Variants in ABR observed in about 807,000 individuals in gnomAD.
The protein encoded by ABR is ABR activator of RhoGEF and GTPase.
ABR carries 35 observed loss-of-function variants against 107.2 expected under a neutral mutation model. The observed-to-expected ratio is 0.33, with a 90% CI of 0.25 to 0.43. ABR has a LOEUF of 0.43. Ranked by LOEUF, ABR falls within the 20% of genes least tolerant of loss-of-function variation. The pLI, the probability that ABR is intolerant of heterozygous loss-of-function variation, is 1.00. For missense variants in ABR, 815 were observed against 1,115.2 expected, an observed-to-expected ratio of 0.73 and a Z score of 3.83; for synonymous variants, 498 against 462.0, an observed-to-expected ratio of 1.08 and a Z score of -1.00.
chr17:1,028,862 G>A (rs1303414047), intron 16 of ABR, among the ~76,000 whole-genome samples: 2 of 148,028 alleles, frequency 1.4e-5, no homozygotes, highest in Non-Finnish European at 3.0e-5. Flanking sequence ...TTCCCCGACA[G>A]ACAAATGCTT....
intron 1 of ABR, among the ~76,000 whole-genome samples, chr17:1,146,640 AC>A: frequency 1.5e-5 from 2 of 132,026 alleles, no homozygotes; most frequent in African/African-American, 5.9e-5. Flanking sequence ...GCCACATGCC[AC>A]CACTGCCACA....
chr17:1,166,863 A>G lies in ABR; in HGVS notation c.61+12804T>C, dbSNP rs577679051. 1.4e-4 allele frequency among the ~76,000 whole-genome samples: 22 copies of G among 152,216 alleles called. No homozygotes were observed. In the East Asian group the frequency reaches 4.1e-3, roughly 28 times the overall value. On this transcript the variant is annotated intron_variant, in intron 1 of 22. Transcript: ENST00000302538. ...AAAAATACAGAAACATTAGCTGGGC[A>G]TGGTGGCACGCGCCTGTAGTCCCAG...
intron 2 of ABR, among the ~76,000 whole-genome samples, chr17:1,111,877 C>T (rs1276596342): frequency 6.6e-6 from 1 of 152,250 alleles, no homozygotes; most frequent in African/African-American, 2.4e-5. Flanking sequence ...TGGGTCTCCT[C>T]ACTTGGAAGC....
chr17:1,152,237 C>T (rs1296355946), intron 1 of ABR, among the ~76,000 whole-genome samples: 2 of 150,536 alleles, frequency 1.3e-5, no homozygotes, highest in South Asian at 2.1e-4. Context: ...GAGCCGAGAT[C>T]GCGCCACTGC....
At chr17:1,026,967 C>T (rs1222620796) in intron 16 of ABR, among the ~76,000 whole-genome samples, 1 of 150,316 alleles carries the variant, frequency 6.7e-6, no homozygotes, top group African/African-American at 2.5e-5. Context: ...CTCACACCTG[C>T]AGGCTTGGGG....
At chr17:1,141,657 G>A (rs1007384306) in intron 1 of ABR, among the ~76,000 whole-genome samples, 7 of 152,114 alleles carry the variant, frequency 4.6e-5, no homozygotes, top group African/African-American at 1.7e-4. Context: ...CAGGGCTTTG[G>A]CAATTTGCAG....
chr17:1,054,493 TCAAA>T lies in ABR; in HGVS notation c.1561+1538_1561+1541del, dbSNP rs1567662022. On this transcript the variant is annotated intron_variant, in intron 14 of 22. Transcript: ENST00000302538. ...TCAGGGGATGGGGGCACAAGGAACC[TCAAA>T]GGGATGGGGATACAAGGAACCTCAG... 7.0e-3 allele frequency among the ~76,000 whole-genome samples: 989 copies of T among 142,046 alleles called. 22 individuals are homozygous for T. Among genetic ancestry groups the T allele is most frequent in the African/African-American group, 0.026 (919 of 34,878 alleles). 93.2% of individuals were successfully genotyped at this position (142,046 alleles called of 152,430 possible).
In ABR at chr17:1,050,224, G is replaced by C. The variant is rs2032304980; in HGVS notation, c.1660-43C>G. ...AAAGGGCCCTGAACCTCCGAAGCTG[G>C]GAGGCCTGGCTTTCCGGCAGGTGCG... On this transcript the variant is annotated intron_variant, in intron 15 of 22. Transcript: ENST00000302538. The surrounding 1 kb of genome is among the most constrained non-coding windows in gnomAD (Gnocchi z 4.6). 6.3e-7 allele frequency: 1 copy of C among 1,585,572 alleles called. No individual in the cohort carries two copies. The highest frequency in any genetic ancestry group is 8.6e-7 in the Non-Finnish European group (1 of 1,169,376).
rs2069943780 is a variant in ABR at position 1,005,383 on chromosome 17, G to A, written c.*697C>T. The A allele has an allele frequency of 2.6e-6, 1 of 382,174 alleles. No individual in the cohort carries two copies. The highest frequency in any genetic ancestry group is 4.6e-6 in the Non-Finnish European group (1 of 216,148). 23.7% of individuals were successfully genotyped at this position (382,174 alleles called of 1,614,324 possible). ...CAGCTCTGTGCTAAGCTGGGGACGA[G>A]TGTGAGTGTGTCTGCTTGTCCAACA... On this transcript the variant is annotated 3_prime_UTR_variant, in exon 23 of 23. Transcript: ENST00000302538.
intron 1 of ABR, among the ~76,000 whole-genome samples, chr17:1,145,204 G>A (rs907967363): frequency 2.6e-5 from 4 of 152,154 alleles, no homozygotes; most frequent in Non-Finnish European, 5.9e-5. Context: ...CCAATGCTCA[G>A]TAACTGCTGG....
intron 1 of ABR, among the ~76,000 whole-genome samples, chr17:1,141,950 G>T (rs553892731): frequency 6.6e-6 from 1 of 151,928 alleles, no homozygotes. Context: ...TAGAGGTAGG[G>T]TTTCACCATG....
At chr17:1,206,279 G>A (rs753408474) in intron 1 of ABR, among the ~76,000 whole-genome samples, 9 of 152,214 alleles carry the variant, frequency 5.9e-5, no homozygotes, top group Non-Finnish European at 1.0e-4. Flanking sequence ...ACGTGACTGG[G>A]TTGTTGCGTG....
At chr17:1,054,242 G>A (rs944822415) in intron 14 of ABR, among the ~76,000 whole-genome samples, 2 of 152,348 alleles carry the variant, frequency 1.3e-5, no homozygotes, top group Non-Finnish European at 2.9e-5. Context: ...ATGTGAGTAC[G>A]TCCACACGCC....
chr17:1,203,638 G>A (rs1598120868), intron 1 of ABR, among the ~76,000 whole-genome samples: 1 of 152,272 alleles, frequency 6.6e-6, no homozygotes, highest in Admixed American at 6.5e-5. Flanking sequence ...CGAGGAGCCC[G>A]GCGAGTGTTC....
Position 1,004,988 on chromosome 17 carries a change from C to T in ABR, c.*1092G>A, listed in dbSNP as rs181765877. Reference sequence around the variant, plus strand: ...AGCCTACCTGCCTGGACACCTGCTTCGGCCACATCAGTCACCCTCCAGGAA... The same window carrying T: ...AGCCTACCTGCCTGGACACCTGCTTTGGCCACATCAGTCACCCTCCAGGAA... On this transcript the variant is annotated 3_prime_UTR_variant, in exon 23 of 23. Transcript: ENST00000302538. 8.3e-5 allele frequency: 33 copies of T among 399,106 alleles called. No individual in the cohort carries two copies. The East Asian group carries it at 1.0e-3, about 12-fold the overall frequency. The allele number at this position is 399,106 out of a possible 1,614,324, so 24.7% of individuals were successfully genotyped here.
chr17:1,012,166 G>T, intron 18 of ABR, 181 bp from the exon 19 acceptor site: 2 of 1,001,192 alleles, frequency 2.0e-6, no homozygotes, highest in Non-Finnish European at 3.0e-6. Flanking sequence ...GCCCACCCGA[G>T]GCCTGCCGAA....
Position 1,037,708 on chromosome 17 carries a change from T to C in ABR, c.1791+12342A>G, listed in dbSNP as rs1433711764. 6.6e-6 allele frequency among the ~76,000 whole-genome samples: 1 copy of C among 152,074 alleles called. No homozygotes were observed. Among genetic ancestry groups the C allele is most frequent in the African/African-American group, 2.4e-5 (1 of 41,424 alleles). ...GTGGCCGGGTCTCCCAGCACAGCCA[T>C]AAATTGCAGCCTGAGGCAGGAGGGG... On this transcript the variant is annotated intron_variant, in intron 16 of 22. Coordinates refer to ENST00000302538, the MANE Select transcript of ABR (RefSeq NM_021962.5). This position sits in a 1 kb window ranked among gnomAD's most constrained non-coding sequence, Gnocchi z 4.6.
At chr17:1,208,232 C>T (rs2042833749) in intron 1 of ABR, among the ~76,000 whole-genome samples, 1 of 152,180 alleles carries the variant, frequency 6.6e-6, no homozygotes, top group South Asian at 2.1e-4. Context: ...GATACTAGAA[C>T]TTGTTCTTCC....
intron 1 of ABR, among the ~76,000 whole-genome samples, chr17:1,167,512 G>A (rs28406545): frequency 0.046 from 6,927 of 152,010 alleles, 487 homozygotes; most frequent in African/African-American, 0.15. Context: ...GGAGTAAGCC[G>A]AGGAGCTTTT....
Sources: gnomAD v4.1 joint callset for allele counts (sites outside exome capture counted in the v4.1 genomes callset) on GRCh38, gnomAD v4.1.1 for gene constraint, Gnocchi (gnomAD v3.1) non-coding constraint, MANE v1.5 for transcripts, NCBI Gene and HGNC (gene_info 2026-07-23, HGNC 2026-07-21) for gene names.